Variants in KCNQ1 observed in about 807,000 individuals in gnomAD.
KCNQ1 encodes potassium voltage-gated channel subfamily Q member 1, also known as potassium voltage-gated channel subfamily KQT member 1.
In KCNQ1, 49 loss-of-function variants were observed where a neutral mutation model predicts 72.4. The ratio of observed to expected loss-of-function variants is 0.68; its 90% CI spans 0.54 to 0.86. KCNQ1 has a LOEUF of 0.86. KCNQ1 is among the 40% of genes least tolerant of loss of function. The pLI, the probability that KCNQ1 is intolerant of heterozygous loss-of-function variation, is 0.00. For synonymous variants in KCNQ1, 450 were observed against 412.6 expected (o/e 1.09, Z -1.10); for missense variants, 790 against 945.1 (o/e 0.84, Z 2.15).
chr11:2,768,727 A>G lies in KCNQ1; in HGVS notation c.1515-117A>G. On this transcript the variant is annotated intron_variant, in intron 11 of 15. Transcript: ENST00000155840. This position sits in a 1 kb window ranked among gnomAD's most constrained non-coding sequence, Gnocchi z 6.7. The stretch of plus-strand genomic sequence containing the variant: ...GTATCTCCATCCCATGGAGTTGAAC[A>G]CTCTCCTTGTTTCTGGAAGGATCCA... The G allele has an allele frequency of 1.2e-6, 1 of 821,730 alleles. No homozygotes were observed. The highest frequency in any genetic ancestry group is 2.1e-6 in the Non-Finnish European group (1 of 470,114). 50.9% of individuals were successfully genotyped at this position (821,730 alleles called of 1,614,324 possible).
At chr11:2,466,878 C>T (rs965938063) in intron 1 of KCNQ1, among the ~76,000 whole-genome samples, 1 of 152,260 alleles carries the variant, frequency 6.6e-6, no homozygotes, top group South Asian at 2.1e-4. Context: ...CCTCTGTGGT[C>T]TCCTCTGCCC....
At chr11:2,569,983 C>A (rs1469259377) in intron 2 of KCNQ1, among the ~76,000 whole-genome samples, 1 of 152,210 alleles carries the variant, frequency 6.6e-6, no homozygotes, top group Non-Finnish European at 1.5e-5. Flanking sequence ...CCTGTAAGGG[C>A]AAAGTGATCC....
chr11:2,664,207 C>G lies in KCNQ1; in HGVS notation c.1514+2126C>G. 1 of 398,642 alleles carries G rather than the reference C, an allele frequency of 2.5e-6. No homozygotes were observed. The allele number at this position is 398,642 out of a possible 1,614,324, so 24.7% of individuals were successfully genotyped here. ...GCCAGCCTGGGAAGGCAGGAAGGAG[C>G]CCAGGCATGGGGCTTGGGGTGAGGG... On this transcript the variant is annotated intron_variant, in intron 11 of 15. Coordinates refer to ENST00000155840, the MANE Select transcript of KCNQ1 (RefSeq NM_000218.3). This position sits in a 1 kb window ranked among gnomAD's most constrained non-coding sequence, Gnocchi z 5.1.
chr11:2,680,704 TA>T, intron 11 of KCNQ1: 1 of 398,530 alleles, frequency 2.5e-6, no homozygotes, highest in Non-Finnish European at 4.4e-6. Context: ...GTCCCCCTTT[TA>T]TAGCTACCCC....
chr11:2,778,070 G>T (rs1846744661), intron 15 of KCNQ1, 33 bp downstream of exon 15: 2 of 1,607,638 alleles, frequency 1.2e-6, no homozygotes. Flanking sequence ...GGTGGTTCTG[G>T]TTAGCGTCCT....
At position 2,748,660 on chromosome 11, in the gene KCNQ1, C is replaced by A. The variant is rs1846174977; in HGVS notation, c.1515-20184C>A. On this transcript the variant is annotated intron_variant, in intron 11 of 15. Coordinates refer to ENST00000155840, the MANE Select transcript of KCNQ1 (RefSeq NM_000218.3). This position sits in a 1 kb window ranked among gnomAD's most constrained non-coding sequence, Gnocchi z 6.2. Reference sequence around the variant, plus strand: ...ACCCAGAGCCCACAGCAGGGACTCCCCACGCCAGGCCCGGCTGGATCACAG... The same window carrying A: ...ACCCAGAGCCCACAGCAGGGACTCCACACGCCAGGCCCGGCTGGATCACAG... Among the ~76,000 whole-genome samples the A allele has an allele frequency of 6.6e-6, 1 of 152,204 alleles. No individual in the cohort carries two copies. The highest frequency in any genetic ancestry group is 1.5e-5 in the Non-Finnish European group (1 of 68,036).
rs1847438339 is a variant in KCNQ1, at chr11:2,809,215, A to C, written c.1794+31178A>C. On this transcript the variant is annotated intron_variant, in intron 15 of 15. Coordinates refer to ENST00000155840, the MANE Select transcript of KCNQ1 (RefSeq NM_000218.3). This position sits in a 1 kb window ranked among gnomAD's most constrained non-coding sequence, Gnocchi z 7.1. Reference sequence around the variant, plus strand: ...GATTTTTTTCTTTTTTTAAGAAGAAACCAAAGTAAAACAGAAGGAATTGCT... The same window carrying C: ...GATTTTTTTCTTTTTTTAAGAAGAACCCAAAGTAAAACAGAAGGAATTGCT... 6.6e-6 allele frequency among the ~76,000 whole-genome samples: 1 copy of C among 152,166 alleles called. No individual in the cohort carries two copies. Among genetic ancestry groups the C allele is most frequent in the Non-Finnish European group, 1.5e-5 (1 of 68,040 alleles).
At chr11:2,684,385 T>C in intron 11 of KCNQ1, 4 of 398,692 alleles carry the variant, frequency 1.0e-5, no homozygotes, top group Non-Finnish European at 1.8e-5. Flanking sequence ...CAAGCTCCAG[T>C]GGGGTCCATC....
At chr11:2,616,802 A>C (rs1849072861) in intron 10 of KCNQ1, 2 of 398,166 alleles carry the variant, frequency 5.0e-6, no homozygotes, top group Non-Finnish European at 4.4e-6. Context: ...TTTGTGGCCT[A>C]ACATATCATC....
intron 10 of KCNQ1, among the ~76,000 whole-genome samples, chr11:2,606,206 T>G (rs1446207279): frequency 6.6e-6 from 1 of 152,228 alleles, no homozygotes; most frequent in Non-Finnish European, 1.5e-5. Context: ...ACAATTGATT[T>G]TTATATACTG....
chr11:2,722,220 C>T (rs1851214287), intron 11 of KCNQ1, among the ~76,000 whole-genome samples: 1 of 152,108 alleles, frequency 6.6e-6, no homozygotes, highest in Non-Finnish European at 1.5e-5. Flanking sequence ...TTGGGGGTCC[C>T]AGGTGATGTG....
chr11:2,841,125 A>AGAGAT (rs1478579887), intron 15 of KCNQ1, among the ~76,000 whole-genome samples: 2 of 152,170 alleles, frequency 1.3e-5, no homozygotes, highest in East Asian at 3.9e-4. Flanking sequence ...GAACATGGGG[A>AGAGAT]GAGATGAGAC....
chr11:2,676,837 A>ACAAC lies in KCNQ1; in HGVS notation c.1514+14756_1514+14757insCAAC, dbSNP rs1850303396. ...GGATCTACCACAGGGGTCATGTTGT[A>ACAAC]ATGACACCTGTCAGCTTTGACTGGG... On this transcript the variant is annotated intron_variant, in intron 11 of 15. Coordinates refer to ENST00000155840, the MANE Select transcript of KCNQ1 (RefSeq NM_000218.3). The surrounding 1 kb of genome is among the most constrained non-coding windows in gnomAD (Gnocchi z 4.2). The ACAAC allele has an allele frequency of 2.5e-6, 1 of 398,498 alleles. No homozygotes were observed. The highest frequency in any genetic ancestry group is 1.3e-4 in the South Asian group (1 of 7,864). 24.7% of individuals were successfully genotyped at this position (398,498 alleles called of 1,614,324 possible).
At chr11:2,754,086 A>G (rs918146480) in intron 11 of KCNQ1, among the ~76,000 whole-genome samples, 7 of 152,270 alleles carry the variant, frequency 4.6e-5, no homozygotes, top group Non-Finnish European at 8.8e-5. Flanking sequence ...GCTCAGCCTC[A>G]GCAGTCATTA....
At chr11:2,699,641 G>A (rs1590040190) in intron 11 of KCNQ1, 1 of 383,226 alleles carries the variant, frequency 2.6e-6, no homozygotes, top group Non-Finnish European at 4.6e-6. Flanking sequence ...AACCCCCGGG[G>A]ACAACCGCGC....
intron 11 of KCNQ1, chr11:2,665,236 A>G (rs945056834): frequency 2.5e-6 from 1 of 398,402 alleles, no homozygotes; most frequent in Non-Finnish European, 4.4e-6. Context: ...AATGGGGCAC[A>G]AGAGAGTCCC....
intron 2 of KCNQ1, among the ~76,000 whole-genome samples, chr11:2,528,456 G>A (rs1014020923): frequency 6.6e-6 from 1 of 152,236 alleles, no homozygotes; most frequent in Non-Finnish European, 1.5e-5. Context: ...CACCTGGATG[G>A]TCCCTTCCAT....
chr11:2,670,795 A>G lies in KCNQ1; in HGVS notation c.1514+8714A>G. On this transcript the variant is annotated intron_variant, in intron 11 of 15. Coordinates refer to ENST00000155840, the MANE Select transcript of KCNQ1 (RefSeq NM_000218.3). This position sits in a 1 kb window ranked among gnomAD's most constrained non-coding sequence, Gnocchi z 4.9. ...TGCCCTCTGCAATAAGAATTCTTCAAGTTCAGCCTCTATGTGCATCATAAA... is the reference window on the plus strand; with the variant it reads ...TGCCCTCTGCAATAAGAATTCTTCAGGTTCAGCCTCTATGTGCATCATAAA... The G allele has an allele frequency of 2.5e-6, 1 of 398,608 alleles. No homozygotes were observed. The allele number at this position is 398,608 out of a possible 1,614,324, so 24.7% of individuals were successfully genotyped here.
chr11:2,685,409 C>T (rs763577452), intron 11 of KCNQ1: 1 of 398,652 alleles, frequency 2.5e-6, no homozygotes, highest in Non-Finnish European at 4.4e-6. Flanking sequence ...TTCCATGGGT[C>T]TCCTTCACAT....
Sources: allele counts gnomAD v4.1 joint callset (sites outside exome capture counted in the v4.1 genomes callset), GRCh38; gene constraint gnomAD v4.1.1; non-coding constraint Gnocchi (gnomAD v3.1); transcripts MANE v1.5; gene names NCBI Gene and HGNC (gene_info 2026-07-23, HGNC 2026-07-21).